The following TMEM44 variants were observed in gnomAD, a reference collection of about 807,000 sequenced individuals.
TMEM44 encodes the protein transmembrane protein 44.
Under a neutral mutation model 47.8 loss-of-function variants are expected in TMEM44, and 43 were observed. That is an observed-to-expected ratio of 0.90 (90% confidence interval 0.70 to 1.16). The LOEUF (loss-of-function observed/expected upper bound fraction) is 1.16. Ranked by LOEUF, TMEM44 falls within the 50% of genes most tolerant of loss-of-function variation. The probability of loss-of-function intolerance (pLI) is 0.00; values close to 1 mark genes in which losing one functional copy is unlikely to be tolerated. For synonymous variants in TMEM44, 277 were observed against 238.8 expected (o/e 1.16, Z -1.48); for missense variants, 568 against 555.2 (o/e 1.02, Z -0.23).
At chr3:194,627,502 TAC>T (rs1717304504) in intron 2 of TMEM44, among the ~76,000 whole-genome samples, 2 of 152,162 alleles carry the variant, frequency 1.3e-5, no homozygotes, top group Non-Finnish European at 2.9e-5. Context: ...CCCCAAAGCC[TAC>T]ACCACTACCT....
intron 1 of TMEM44, among the ~76,000 whole-genome samples, chr3:194,629,747 A>G (rs1173721509): frequency 1.2e-5 from 1 of 83,970 alleles, no homozygotes; most frequent in South Asian, 6.1e-4. Flanking sequence ...GGCTGTTTCC[A>G]TCGGCGTCAC....
chr3:194,588,586 C>G lies in TMEM44; in HGVS notation c.1230G>C (p.Leu410=). The part of the protein sequence containing the change: ...LEGSKENVEL[L]GSQVHQDSVR... ...CAGAGTCCTGGTGCACCTGGGATCCCAGTAGCTCCACATTTTCTTTGCTGC... is the reference window on the plus strand; with the variant it reads ...CAGAGTCCTGGTGCACCTGGGATCCGAGTAGCTCCACATTTTCTTTGCTGC... The change falls in exon 10 of 10, where the codon CTG becomes CTC. Residue 410 remains leucine (L), a synonymous_variant. Coordinates refer to ENST00000347147, the MANE Select transcript of TMEM44 (RefSeq NM_001011655.3). 1 of 1,614,214 alleles carries G rather than the reference C, an allele frequency of 6.2e-7. No homozygotes were observed. Among genetic ancestry groups the G allele is most frequent in the African/African-American group, 1.3e-5 (1 of 75,062 alleles).
At chr3:194,601,656 C>G (rs1327769996) in intron 9 of TMEM44, among the ~76,000 whole-genome samples, 1 of 152,016 alleles carries the variant, frequency 6.6e-6, no homozygotes, top group Non-Finnish European at 1.5e-5. Flanking sequence ...CCACGTTCGC[C>G]AGGCTGGTCT....
chr3:194,595,932 T>C (rs1431327180), intron 9 of TMEM44, among the ~76,000 whole-genome samples: 1 of 152,092 alleles, frequency 6.6e-6, no homozygotes, highest in Non-Finnish European at 1.5e-5. Context: ...GCTGATGGTC[T>C]GTATTTCTTA....
At chr3:194,598,931 C>T (rs1009016290) in intron 9 of TMEM44, among the ~76,000 whole-genome samples, 2 of 152,144 alleles carry the variant, frequency 1.3e-5, no homozygotes, top group African/African-American at 2.4e-5. Flanking sequence ...CTCATCAACC[C>T]AAGGGATCAA....
chr3:194,605,892 CAGCCCTTGATGGGTTAGGTGCACA>C (rs368515520), intron 8 of TMEM44, among the ~76,000 whole-genome samples: 8,433 of 152,204 alleles, frequency 0.055, 756 homozygotes, highest in African/African-American at 0.19. Context: ...AGCGGGGCTT[CAGCCCTTGATGGGTTAGGTGCACA>C]AGCTCCTGTC....
At chr3:194,616,416 G>C (rs961224224) in intron 6 of TMEM44, 23 of 366,284 alleles carry the variant, frequency 6.3e-5, no homozygotes, top group Non-Finnish European at 9.2e-5. Flanking sequence ...AGTCATAGTG[G>C]ATTGGACTGG....
chr3:194,626,155 T>C (rs948461348), intron 2 of TMEM44, among the ~76,000 whole-genome samples, 165 bp from the exon 3 acceptor site: 14 of 152,168 alleles, frequency 9.2e-5, no homozygotes, highest in African/African-American at 3.4e-4. Context: ...TCCATTATCA[T>C]GTCCACTTGG....
chr3:194,594,687 G>A (rs561411633), intron 9 of TMEM44, among the ~76,000 whole-genome samples: 21 of 151,590 alleles, frequency 1.4e-4, no homozygotes, highest in Non-Finnish European at 2.4e-4. Flanking sequence ...CACACACTCT[G>A]GAAAAGACAG....
In TMEM44 at chr3:194,617,258, C is replaced by T; in HGVS notation, c.624G>A (p.Lys208=). 3 of 1,506,150 alleles carry T rather than the reference C, an allele frequency of 2.0e-6. No homozygotes were observed. Among genetic ancestry groups the T allele is most frequent in the Non-Finnish European group, 2.7e-6 (3 of 1,119,698 alleles). The allele number at this position is 1,506,150 out of a possible 1,614,324, so 93.3% of individuals were successfully genotyped here. Residue 208 remains lysine (K), a synonymous_variant, in exon 6 of 10, where the codon AAG becomes AAA. Transcript: ENST00000347147. ...IPPLSRICRG[K]TFPSIHLWTR... is the part of the protein sequence containing the mutation. ...TCCACAGGTGGATGGAGGGAAATGT[C>T]TTCCCCCGGCACTGGGCAGAGAGAG...
chr3:194,633,046 GCCCGACAGCCC>G (rs1560209845), intron 1 of TMEM44, 22 bp downstream of exon 1: 2 of 1,544,554 alleles, frequency 1.3e-6, no homozygotes, highest in Admixed American at 3.9e-5. Context: ...CCGTTTCCCC[GCCCGACAGCCC>G]CCCGACCCGT....
intron 8 of TMEM44, among the ~76,000 whole-genome samples, chr3:194,607,014 G>C (rs368066969): frequency 4.6e-4 from 69 of 151,002 alleles, no homozygotes; most frequent in African/African-American, 1.6e-3. Context: ...AATAATAATA[G>C]TATCTCTCTG....
intron 8 of TMEM44, among the ~76,000 whole-genome samples, chr3:194,604,746 A>G (rs1359144911): frequency 6.6e-6 from 1 of 152,186 alleles, no homozygotes; most frequent in Non-Finnish European, 1.5e-5. Context: ...TTTTTCACCT[A>G]ACACTATGCC....
rs1208206994 is a variant in TMEM44 at position 194,587,849 on chromosome 3, C to T, written c.*680G>A. ...CCTTCTGCATGCATTTAGTTAGTTCCTGAAGCATACAGCCCCCTCACCTGC... is the reference window on the plus strand; with the variant it reads ...CCTTCTGCATGCATTTAGTTAGTTCTTGAAGCATACAGCCCCCTCACCTGC... On this transcript the variant is annotated 3_prime_UTR_variant, in exon 10 of 10. Coordinates refer to ENST00000347147, the MANE Select transcript of TMEM44 (RefSeq NM_001011655.3). The T allele has an allele frequency of 6.6e-6, 1 of 152,362 alleles. No homozygotes were observed. The highest frequency in any genetic ancestry group is 1.5e-5 in the Non-Finnish European group (1 of 68,156). The allele number at this position is 152,362 out of a possible 1,614,324, so 9.4% of individuals were successfully genotyped here. A position where few individuals can be genotyped will look rare whatever the true frequency, so the allele number is the denominator to read the frequency against.
intron 2 of TMEM44, among the ~76,000 whole-genome samples, chr3:194,626,607 G>A (rs942238429): frequency 6.6e-6 from 1 of 151,946 alleles, no homozygotes; most frequent in Admixed American, 6.6e-5. Flanking sequence ...GAATAATGAG[G>A]ACACTCATGT....
intron 1 of TMEM44, among the ~76,000 whole-genome samples, chr3:194,628,817 C>T (rs995658359): frequency 1.3e-5 from 2 of 152,088 alleles, no homozygotes; most frequent in African/African-American, 2.4e-5. Flanking sequence ...CCACCTAGCA[C>T]TGAAAAAGCA....
In TMEM44 at chr3:194,601,212, C is replaced by T. The variant is rs529250458; in HGVS notation, c.1176+3075G>A. On this transcript the variant is annotated intron_variant, in intron 9 of 9. Transcript: ENST00000347147. ...AGCCTGGAGTGAAGTGGCGTGATCTCGGCTCACTGCAATCTCCGCCCCTCC... is the reference window on the plus strand; with the variant it reads ...AGCCTGGAGTGAAGTGGCGTGATCTTGGCTCACTGCAATCTCCGCCCCTCC... 1.2e-3 allele frequency among the ~76,000 whole-genome samples: 185 copies of T among 150,828 alleles called. 2 individuals carry two copies. Among genetic ancestry groups the T allele is most frequent in the African/African-American group, 4.4e-3 (181 of 40,862 alleles).
intron 7 of TMEM44, among the ~76,000 whole-genome samples, chr3:194,612,560 C>A (rs1715692469): frequency 6.6e-6 from 1 of 150,780 alleles, no homozygotes; most frequent in Non-Finnish European, 1.5e-5. Context: ...CACACCCACT[C>A]TCTGTGAGAG....
intron 9 of TMEM44, among the ~76,000 whole-genome samples, chr3:194,602,310 A>G (rs988759866): frequency 2.0e-5 from 3 of 152,188 alleles, no homozygotes; most frequent in African/African-American, 7.2e-5. Flanking sequence ...TCAGAAAGGT[A>G]TGTGCTCTAG....
Sources: gnomAD v4.1 joint callset for allele counts (sites outside exome capture counted in the v4.1 genomes callset) on GRCh38, gnomAD v4.1.1 for gene constraint, MANE v1.5 for transcripts, NCBI Gene and HGNC (gene_info 2026-07-23, HGNC 2026-07-21) for gene names.